Variants in ARHGEF10 observed in about 807,000 individuals in gnomAD.
ARHGEF10 encodes Rho guanine nucleotide exchange factor (GEF) 10.
A neutral mutation model predicts 147.4 loss-of-function variants in ARHGEF10; 140 were observed. The observed-to-expected ratio is 0.95, with a 90% CI of 0.83 to 1.09. The LOEUF is 1.09. Ranked by LOEUF, ARHGEF10 falls within the 50% of genes least tolerant of loss-of-function variation. The pLI is 0.00. For synonymous variants in ARHGEF10, 902 were observed against 695.8 expected, an observed-to-expected ratio of 1.30 and a Z score of -4.67; for missense variants, 2,222 against 1,752.7, an observed-to-expected ratio of 1.27 and a Z score of -4.78.
chr8:1,858,068 C>T lies in ARHGEF10; in HGVS notation c.146C>T (p.Ala49Val), dbSNP rs775518807. The T allele has an allele frequency of 1.5e-5, 24 of 1,613,874 alleles. No homozygotes were observed. The highest frequency in any genetic ancestry group is 1.8e-5 in the Non-Finnish European group (21 of 1,179,972). The change falls in exon 3 of 29, where the codon GCC becomes GTC. Residue 49 changes from alanine (A) to valine (V), a missense_variant. Physicochemically the swap from Ala to Val is moderately conservative, Grantham distance 64 (BLOSUM62 0). Transcript: ENST00000349830. ...GAAGCGGACAGACAGGCCCCATCCG[C>T]CCCTGAGACAGGAGGTGCTGGAGCC... Reference protein sequence around the residue: ...IPEADRQAPSAPETGGAGASE... With the variant: ...IPEADRQAPSVPETGGAGASE...
intron 2 of ARHGEF10, among the ~76,000 whole-genome samples, chr8:1,856,373 T>C (rs1805553438): frequency 6.6e-6 from 1 of 152,204 alleles, no homozygotes; most frequent in South Asian, 2.1e-4. Flanking sequence ...GTCCTTGCAG[T>C]GGTAGCTGGA....
At chr8:1,856,976 A>G (rs531410895) in intron 2 of ARHGEF10, among the ~76,000 whole-genome samples, 273 of 152,280 alleles carry the variant, frequency 1.8e-3, no homozygotes, top group African/African-American at 6.3e-3. Flanking sequence ...TGATGGTGGC[A>G]CACAGTCCTA....
chr8:1,829,110 G>A (rs1802938198), intron 1 of ARHGEF10, among the ~76,000 whole-genome samples: 1 of 152,222 alleles, frequency 6.6e-6, no homozygotes, highest in African/African-American at 2.4e-5. Flanking sequence ...AGCCCGGCCA[G>A]GCCGAGCGCT....
At chr8:1,927,073 C>G (rs898607234) in intron 23 of ARHGEF10, 2 of 165,044 alleles carry the variant, frequency 1.2e-5, no homozygotes, top group African/African-American at 2.4e-5. Context: ...CACTGCCTCT[C>G]ACTTCTCACA....
intron 26 of ARHGEF10, among the ~76,000 whole-genome samples, chr8:1,944,331 G>T (rs968250252): frequency 6.6e-6 from 1 of 151,344 alleles, no homozygotes; most frequent in Admixed American, 6.6e-5. Context: ...GCCCTGCAGC[G>T]CCCCTGTGTA....
intron 11 of ARHGEF10, among the ~76,000 whole-genome samples, chr8:1,891,976 AT>A (rs1375199215): frequency 6.7e-6 from 1 of 149,126 alleles, no homozygotes; most frequent in Non-Finnish European, 1.5e-5. Flanking sequence ...AATAATACAT[AT>A]ACATAATATA....
chr8:1,919,269 GAGCTGTTCTGTGGGTGA>G (rs1812020401), intron 18 of ARHGEF10, among the ~76,000 whole-genome samples: 1 of 148,754 alleles, frequency 6.7e-6, no homozygotes, highest in African/African-American at 2.5e-5. Context: ...TGTGGGTGAT[GAGCTGTTCTGTGGGTGA>G]TGAGTTGTTT....
chr8:1,932,387 C>T (rs768728938), intron 25 of ARHGEF10, among the ~76,000 whole-genome samples: 3 of 152,108 alleles, frequency 2.0e-5, no homozygotes, highest in African/African-American at 4.8e-5. Flanking sequence ...CATGTGCAGA[C>T]GTGTGTGTCC....
chr8:1,857,577 G>A (rs549712356), intron 2 of ARHGEF10, among the ~76,000 whole-genome samples: 3 of 151,906 alleles, frequency 2.0e-5, no homozygotes, highest in South Asian at 2.1e-4. Context: ...CCGCCAACAC[G>A]CCTGGCTAAT....
At chr8:1,838,544 T>C (rs11780955) in intron 1 of ARHGEF10, among the ~76,000 whole-genome samples, 82,573 of 152,192 alleles carry the variant, frequency 0.54, 22,794 homozygotes, top group African/African-American at 0.62. Flanking sequence ...TCTTCAGACC[T>C]CATGTGTTCA....
intron 27 of ARHGEF10, among the ~76,000 whole-genome samples, chr8:1,952,154 A>G (rs2129289056): frequency 6.6e-6 from 1 of 152,342 alleles, no homozygotes; most frequent in Non-Finnish European, 1.5e-5. Flanking sequence ...TGCTGTGTCC[A>G]GCGCTGAGGC....
Position 1,860,129 on chromosome 8 carries a change from G to C in ARHGEF10, c.426G>C (p.Leu142=). Residue 142 remains leucine, a synonymous_variant, in exon 4 of 29, where the codon CTG becomes CTC. Coordinates refer to ENST00000349830, the MANE Select transcript of ARHGEF10 (RefSeq NM_014629.4). ...CGGTGCCCTCCAACCTGCCCCTCCTGCTGCCCGCCTACTCCAGCCCGGTCA... is the reference window on the plus strand; with the variant it reads ...CGGTGCCCTCCAACCTGCCCCTCCTCCTGCCCGCCTACTCCAGCCCGGTCA... ...GYAVPSNLPL[L]LPAYSSPVII... The C allele has an allele frequency of 6.2e-7, 1 of 1,613,918 alleles. No homozygotes were observed. Among genetic ancestry groups the C allele is most frequent in the South Asian group, 1.1e-5 (1 of 91,080 alleles).
chr8:1,855,508 A>C (rs1227751282), intron 2 of ARHGEF10, among the ~76,000 whole-genome samples: 1 of 150,844 alleles, frequency 6.6e-6, no homozygotes, highest in African/African-American at 2.4e-5. Context: ...CAGCCTTCGG[A>C]GTAGGTGGGA....
chr8:1,934,150 C>G (rs374946014), intron 26 of ARHGEF10, among the ~76,000 whole-genome samples: 1 of 152,066 alleles, frequency 6.6e-6, no homozygotes, highest in Non-Finnish European at 1.5e-5. Context: ...GCCTGGGCAA[C>G]AAAGTGAGAT....
At chr8:1,864,575 T>G in intron 5 of ARHGEF10, 139 bp downstream of exon 5, 1 of 828,390 alleles carries the variant, frequency 1.2e-6, no homozygotes, top group South Asian at 1.4e-5. Flanking sequence ...ACCTCCTGCC[T>G]CGGGTCCCTC....
intron 9 of ARHGEF10, among the ~76,000 whole-genome samples, chr8:1,881,775 G>T (rs1166361152): frequency 1.3e-5 from 2 of 152,224 alleles, no homozygotes; most frequent in Non-Finnish European, 2.9e-5. Context: ...TCCTCACGCG[G>T]TGGTGTGACC....
intron 11 of ARHGEF10, among the ~76,000 whole-genome samples, chr8:1,886,453 A>AC (rs1808666100): frequency 1.3e-5 from 2 of 152,238 alleles, no homozygotes; most frequent in Non-Finnish European, 2.9e-5. Context: ...GACAAACAAC[A>AC]CAGAAATGCT....
intron 11 of ARHGEF10, among the ~76,000 whole-genome samples, chr8:1,891,493 G>A (rs1360296269): frequency 6.6e-6 from 1 of 152,138 alleles, no homozygotes; most frequent in African/African-American, 2.4e-5. Context: ...GAGGACAGAG[G>A]ATCCTGTCCC....
At chr8:1,850,653 C>G (rs981433290) in intron 2 of ARHGEF10, among the ~76,000 whole-genome samples, 6 of 152,164 alleles carry the variant, frequency 3.9e-5, no homozygotes, top group African/African-American at 9.7e-5. Context: ...TTCTTCAAAC[C>G]TGAGCACACT....
Sources: allele counts gnomAD v4.1 joint callset (sites outside exome capture counted in the v4.1 genomes callset), GRCh38; gene constraint gnomAD v4.1.1; transcripts MANE v1.5; gene names NCBI Gene and HGNC (gene_info 2026-07-23, HGNC 2026-07-21).